TRERF1: variants seen among roughly 807,000 people sequenced by gnomAD.
TRERF1 encodes transcriptional regulating factor 1, also known as transcriptional-regulating factor 1.
Under a neutral mutation model 122.9 loss-of-function variants are expected in TRERF1, and 27 were observed. The ratio of observed to expected loss-of-function variants is 0.22; its 90% CI spans 0.16 to 0.30. The LOEUF is 0.30. TRERF1 is among the 10% of genes least tolerant of loss of function. The pLI, the probability that TRERF1 is intolerant of heterozygous loss-of-function variation, is 1.00. For missense variants in TRERF1, 1,248 were observed against 1,560.3 expected (o/e 0.80, Z 3.37); for synonymous variants, 636 against 641.7 (o/e 0.99, Z 0.13).
chr6:42,359,965 G>GT (rs1037427914), intron 3 of TRERF1, among the ~76,000 whole-genome samples: 3 of 151,804 alleles, frequency 2.0e-5, no homozygotes, highest in Admixed American at 1.3e-4. Flanking sequence ...AAAAACTTCG[G>GT]TAAAAAAAGA....
chr6:42,365,089 G>C lies in TRERF1; in HGVS notation c.-453-2010C>G, dbSNP rs548376165. ...ATATTTTCAGTGAACACAGAAGCCA[G>C]GTTGTCTCCTGAGTGGTGAAGGGCA... On this transcript the variant is annotated intron_variant, in intron 2 of 17. Coordinates refer to ENST00000372922, the Ensembl canonical transcript of TRERF1. Among the ~76,000 whole-genome samples the C allele has an allele frequency of 4.6e-5, 7 of 152,304 alleles. No homozygotes were observed. In the East Asian group the frequency reaches 1.2e-3, roughly 25 times the overall value.
chr6:42,329,815 C>A (rs1050426269), intron 3 of TRERF1, among the ~76,000 whole-genome samples: 2 of 148,320 alleles, frequency 1.3e-5, no homozygotes, highest in African/African-American at 5.3e-5. Flanking sequence ...ATGGTGAAAC[C>A]CCATCTCTAC....
Position 42,268,795 on chromosome 6 carries a change from G to C in TRERF1, c.796C>G (p.Gln266Glu). The change falls in exon 5 of 18, where the codon CAG (glutamine) becomes GAG (glutamate). Residue 266 changes from glutamine (Q) to glutamate (E), a missense_variant. Gln to Glu is a conservative substitution (Grantham distance 29). Coordinates refer to ENST00000372922, the Ensembl canonical transcript of TRERF1. The surrounding 1 kb of genome is among the most constrained non-coding windows in gnomAD (Gnocchi z 4.4). The stretch of plus-strand genomic sequence containing the variant: ...TGCTGCGGTGGGTAATACTGGTGCT[G>C]CTGCATCTGTTGCATGTGCTGTGAC... 1.9e-6 allele frequency: 3 copies of C among 1,614,180 alleles called. No homozygotes were observed. Among genetic ancestry groups the C allele is most frequent in the Non-Finnish European group, 1.7e-6 (2 of 1,180,040 alleles).
At chr6:42,296,704 G>A (rs1785168939) in intron 4 of TRERF1, among the ~76,000 whole-genome samples, 1 of 152,076 alleles carries the variant, frequency 6.6e-6, no homozygotes, top group South Asian at 2.1e-4. Flanking sequence ...ACCAATCGCA[G>A]GAAGGATGGG....
chr6:42,380,910 C>T (rs1775803617), intron 2 of TRERF1, among the ~76,000 whole-genome samples: 1 of 152,190 alleles, frequency 6.6e-6, no homozygotes, highest in African/African-American at 2.4e-5. Flanking sequence ...CCACTTCTGT[C>T]CTGGGAGAAA....
rs899987510 is a variant in TRERF1, at chr6:42,232,554, C to A, written c.3278+127G>T. 4.0e-6 allele frequency: 5 copies of A among 1,247,662 alleles called. No homozygotes were observed. The highest frequency in any genetic ancestry group is 1.5e-5 in the African/African-American group (1 of 65,904). The allele number at this position is 1,247,662 out of a possible 1,614,324, so 77.3% of individuals were successfully genotyped here. On this transcript the variant is annotated intron_variant, in intron 17 of 17. Coordinates refer to ENST00000372922, the Ensembl canonical transcript of TRERF1. This position sits in a 1 kb window ranked among gnomAD's most constrained non-coding sequence, Gnocchi z 4.5. Reference sequence around the variant, plus strand: ...CTACATACCCATCCCAAAGATGACACGAAGAAGAGTTTTGAGGTCTAAGTT... The same window carrying A: ...CTACATACCCATCCCAAAGATGACAAGAAGAAGAGTTTTGAGGTCTAAGTT...
intron 16 of TRERF1, among the ~76,000 whole-genome samples, chr6:42,233,612 C>G (rs763499421): frequency 3.3e-5 from 5 of 152,068 alleles, no homozygotes; most frequent in Admixed American, 6.5e-5. Flanking sequence ...TGATAACTAC[C>G]TCCTTCTTTT....
chr6:42,416,181 T>C (rs1039624575), intron 2 of TRERF1, among the ~76,000 whole-genome samples: 6 of 152,172 alleles, frequency 3.9e-5, no homozygotes, highest in African/African-American at 1.4e-4. Flanking sequence ...TGAATTCTCT[T>C]GTTTGTCTTT....
At chr6:42,324,432 C>T (rs1763948430) in intron 3 of TRERF1, among the ~76,000 whole-genome samples, 1 of 152,098 alleles carries the variant, frequency 6.6e-6, no homozygotes, top group South Asian at 2.1e-4. Flanking sequence ...CCAAAATAAG[C>T]CCAAATAGCC....
intron 4 of TRERF1, among the ~76,000 whole-genome samples, chr6:42,281,742 C>T (rs1561903025): frequency 6.6e-6 from 1 of 152,138 alleles, no homozygotes; most frequent in Non-Finnish European, 1.5e-5. Context: ...GGACACCCAG[C>T]GTGGCATCGA....
intron 3 of TRERF1, among the ~76,000 whole-genome samples, chr6:42,305,606 C>T (rs561112477): frequency 1.3e-4 from 20 of 152,034 alleles, no homozygotes; most frequent in Admixed American, 8.5e-4. Context: ...AGACCGAGGA[C>T]GGGGGGTTCA....
exon 6 of TRERF1, chr6:42,265,788 G>A (rs1258115425): frequency 6.2e-7 from 1 of 1,613,222 alleles, no homozygotes; most frequent in South Asian, 1.1e-5. Flanking sequence ...CTCCCATCAG[G>A]TAGGTGCATC....
intron 3 of TRERF1, among the ~76,000 whole-genome samples, chr6:42,313,800 C>T (rs1222179661): frequency 6.6e-6 from 1 of 152,150 alleles, no homozygotes; most frequent in African/African-American, 2.4e-5. Context: ...ATGTGGGCCT[C>T]AGGAACTCTC....
chr6:42,359,775 G>A (rs1190997145), intron 3 of TRERF1, among the ~76,000 whole-genome samples: 3 of 152,190 alleles, frequency 2.0e-5, no homozygotes, highest in Admixed American at 6.5e-5. Flanking sequence ...AGCTGGGATA[G>A]GTCATGAGGT....
At chr6:42,341,368 C>G (rs945370615) in intron 3 of TRERF1, among the ~76,000 whole-genome samples, 3 of 152,192 alleles carry the variant, frequency 2.0e-5, no homozygotes, top group Admixed American at 6.5e-5. Flanking sequence ...TGAAAACACT[C>G]AAGAATCACA....
At chr6:42,429,642 T>C (rs1397067635) in intron 2 of TRERF1, among the ~76,000 whole-genome samples, 2 of 152,170 alleles carry the variant, frequency 1.3e-5, no homozygotes, top group Non-Finnish European at 2.9e-5. Flanking sequence ...TCTGTTGAGC[T>C]GGGGGCCCTC....
At chr6:42,377,276 T>C (rs1208149645) in intron 2 of TRERF1, among the ~76,000 whole-genome samples, 1 of 152,218 alleles carries the variant, frequency 6.6e-6, no homozygotes, top group African/African-American at 2.4e-5. Context: ...TATGACTACT[T>C]TATTTCAGGG....
chr6:42,344,227 G>A (rs866307760), intron 3 of TRERF1, among the ~76,000 whole-genome samples: 32 of 152,274 alleles, frequency 2.1e-4, no homozygotes, highest in South Asian at 6.2e-4. Flanking sequence ...AACTCCCCAA[G>A]CCTCAGCTTC....
intron 2 of TRERF1, among the ~76,000 whole-genome samples, chr6:42,379,584 G>A (rs1216182414): frequency 6.6e-6 from 1 of 152,118 alleles, no homozygotes; most frequent in Non-Finnish European, 1.5e-5. Flanking sequence ...AGGCTGGAGT[G>A]CAGTGGCGCA....
Sources: gnomAD v4.1 joint callset for allele counts (sites outside exome capture counted in the v4.1 genomes callset) on GRCh38, gnomAD v4.1.1 for gene constraint, Gnocchi (gnomAD v3.1) non-coding constraint, MANE v1.5 for transcripts, NCBI Gene and HGNC (gene_info 2026-07-23, HGNC 2026-07-21) for gene names.